Variants in RALYL observed in about 807,000 individuals in gnomAD.
The protein encoded by RALYL is RALY RNA binding protein like, also known as RNA-binding Raly-like protein.
In RALYL, 29 loss-of-function variants were observed where a neutral mutation model predicts 35.1. The observed-to-expected ratio is 0.83, with a 90% CI of 0.61 to 1.13. The LOEUF is 1.13. Among genes scored for constraint, RALYL ranks in the 50% most tolerant of loss-of-function variants. The pLI, the probability that RALYL is intolerant of heterozygous loss-of-function variation, is 0.00. For missense variants in RALYL, 359 were observed against 360.4 expected, an observed-to-expected ratio of 1.00 and a Z score of 0.03; for synonymous variants, 120 against 127.6, an observed-to-expected ratio of 0.94 and a Z score of 0.40.
In RALYL at chr8:84,341,527, C is replaced by T. The variant is rs75498418; in HGVS notation, c.-24+157103C>T. ...AAATGATTATTTTTCTATAATGTATCGGTATCGCATTTATATATCTACAAT... is the reference window on the plus strand; with the variant it reads ...AAATGATTATTTTTCTATAATGTATTGGTATCGCATTTATATATCTACAAT... On this transcript the variant is annotated intron_variant, in intron 1 of 8. Transcript: ENST00000521268. Among the ~76,000 whole-genome samples the T allele has an allele frequency of 6.0e-3, 912 of 151,940 alleles. 9 individuals carry two copies. Among genetic ancestry groups the T allele is most frequent in the African/African-American group, 0.02 (828 of 41,478 alleles).
rs2060647308 is a variant in RALYL, at chr8:84,550,570, GTTTC to G, written c.256+20997_256+21000del. Among the ~76,000 whole-genome samples, 4 of 151,304 alleles carry G rather than the reference GTTTC, an allele frequency of 2.6e-5. No homozygotes were observed. In the South Asian group the frequency reaches 6.3e-4, roughly 24 times the overall value. On this transcript the variant is annotated intron_variant, in intron 2 of 8. Coordinates refer to ENST00000521268, the MANE Select transcript of RALYL (RefSeq NM_173848.7). ...CCCACATAGACTTAGTTAAAATAAT[GTTTC>G]TTTAATAAAATATTATATATTTGAT...
At chr8:84,919,123 A>G (rs1224115098) in intron 8 of RALYL, among the ~76,000 whole-genome samples, 1 of 152,068 alleles carries the variant, frequency 6.6e-6, no homozygotes, top group Non-Finnish European at 1.5e-5. Context: ...ACCTGGAGAA[A>G]CACCATGACT....
intron 1 of RALYL, among the ~76,000 whole-genome samples, chr8:84,220,154 C>T (rs1191942765): frequency 6.6e-6 from 1 of 152,010 alleles, no homozygotes. Flanking sequence ...ATAGTGCTCA[C>T]TCCTCTCTTT....
chr8:84,835,899 A>G (rs146131117), intron 4 of RALYL, among the ~76,000 whole-genome samples: 2 of 152,116 alleles, frequency 1.3e-5, no homozygotes, highest in Non-Finnish European at 2.9e-5. Context: ...AGGTGCTGAG[A>G]AATGCTGACG....
intron 1 of RALYL, among the ~76,000 whole-genome samples, chr8:84,372,886 G>GTTTTTTTTTTTTTGTTTTGTTTTT (rs1856071710): frequency 4.9e-4 from 19 of 39,072 alleles, no homozygotes; most frequent in Non-Finnish European, 5.9e-4. Context: ...GCCAGCATCT[G>GTTTTTTTTTTTTTGTTTTGTTTTT]TTTTTTTTTT....
At chr8:84,610,981 A>G (rs978718825) in intron 2 of RALYL, among the ~76,000 whole-genome samples, 1 of 152,060 alleles carries the variant, frequency 6.6e-6, no homozygotes, top group Non-Finnish European at 1.5e-5. Context: ...ACAATCAGCT[A>G]TTTCTGCAAG....
intron 3 of RALYL, among the ~76,000 whole-genome samples, chr8:84,778,257 T>C (rs899213567): frequency 5.3e-5 from 8 of 152,220 alleles, no homozygotes; most frequent in Non-Finnish European, 1.0e-4. Context: ...GTACATCCAC[T>C]TTATCTCCAA....
chr8:84,433,949 T>G (rs2047430084), intron 1 of RALYL, among the ~76,000 whole-genome samples: 1 of 151,846 alleles, frequency 6.6e-6, no homozygotes, highest in Admixed American at 6.6e-5. Context: ...GTACCTCAAT[T>G]GGTCAGCTTA....
chr8:84,217,304 C>A (rs1821063692), intron 1 of RALYL, among the ~76,000 whole-genome samples: 1 of 151,656 alleles, frequency 6.6e-6, no homozygotes, highest in South Asian at 2.1e-4. Context: ...TTTTATTAGT[C>A]AAAAAGAATG....
At chr8:84,336,846 T>C (rs1847895364) in intron 1 of RALYL, among the ~76,000 whole-genome samples, 1 of 151,916 alleles carries the variant, frequency 6.6e-6, no homozygotes, top group Non-Finnish European at 1.5e-5. Context: ...ATGCGCAATG[T>C]AGTGGAGCAG....
At chr8:84,582,288 C>A (rs1811005950) in intron 2 of RALYL, among the ~76,000 whole-genome samples, 2 of 152,170 alleles carry the variant, frequency 1.3e-5, no homozygotes, top group African/African-American at 4.8e-5. Context: ...TTACCTATAA[C>A]CATGTGGAGA....
intron 7 of RALYL, among the ~76,000 whole-genome samples, chr8:84,876,436 C>A (rs1437447306): frequency 6.6e-6 from 1 of 152,188 alleles, no homozygotes; most frequent in African/African-American, 2.4e-5. Context: ...GTTCGGCCAG[C>A]AATTTTGCCT....
At chr8:84,435,552 G>T (rs2047624015) in intron 1 of RALYL, among the ~76,000 whole-genome samples, 1 of 152,146 alleles carries the variant, frequency 6.6e-6, no homozygotes, top group African/African-American at 2.4e-5. Flanking sequence ...GTAACTGTAA[G>T]TCGGTGATGT....
intron 2 of RALYL, among the ~76,000 whole-genome samples, chr8:84,567,599 A>G (rs2061873957): frequency 6.6e-6 from 1 of 151,432 alleles, no homozygotes; most frequent in Admixed American, 6.6e-5. Context: ...TATCTAATCA[A>G]CCATTGATGA....
At chr8:84,502,199 A>G (rs949481356) in intron 1 of RALYL, among the ~76,000 whole-genome samples, 3 of 152,034 alleles carry the variant, frequency 2.0e-5, no homozygotes, top group Admixed American at 1.3e-4. Context: ...GTACATGACA[A>G]TTAGCATAAT....
At chr8:84,229,946 G>A (rs1451626109) in intron 1 of RALYL, among the ~76,000 whole-genome samples, 1 of 152,064 alleles carries the variant, frequency 6.6e-6, no homozygotes, top group Non-Finnish European at 1.5e-5. Flanking sequence ...GAGAACTTGA[G>A]TGTAATATAA....
At chr8:84,188,687 AT>A (rs1474217336) in intron 1 of RALYL, among the ~76,000 whole-genome samples, 2 of 152,146 alleles carry the variant, frequency 1.3e-5, no homozygotes, top group Non-Finnish European at 2.9e-5. Flanking sequence ...AGTTTACATA[AT>A]TATACTTGTC....
intron 2 of RALYL, among the ~76,000 whole-genome samples, chr8:84,676,030 A>T (rs1402783308): frequency 6.6e-6 from 1 of 152,190 alleles, no homozygotes; most frequent in Admixed American, 6.5e-5. Context: ...TGTGTATGTC[A>T]AATCATTACA....
intron 1 of RALYL, among the ~76,000 whole-genome samples, chr8:84,518,755 A>G (rs1320559063): frequency 6.6e-6 from 1 of 152,164 alleles, no homozygotes; most frequent in African/African-American, 2.4e-5. Flanking sequence ...ATCAGTAATG[A>G]CTGAAAGTTG....
Sources: gnomAD v4.1 joint callset for allele counts (sites outside exome capture counted in the v4.1 genomes callset) on GRCh38, gnomAD v4.1.1 for gene constraint, MANE v1.5 for transcripts, NCBI Gene and HGNC (gene_info 2026-07-23, HGNC 2026-07-21) for gene names.